RBFOX1: variants seen among roughly 807,000 people sequenced by gnomAD.
RBFOX1 encodes RNA binding protein fox-1 homolog 1.
Under a neutral mutation model 57.7 loss-of-function variants are expected in RBFOX1, and 8 were observed. The ratio of observed to expected loss-of-function variants is 0.14; its 90% CI spans 0.08 to 0.25. The LOEUF is 0.25. Among genes scored for constraint, RBFOX1 ranks in the 10% least tolerant of loss-of-function variants. The probability of loss-of-function intolerance (pLI) is 1.00; values close to 1 mark genes in which losing one functional copy is unlikely to be tolerated. For missense variants in RBFOX1, 611 were observed against 548.5 expected (o/e 1.11, Z -1.14); for synonymous variants, 326 against 222.4 (o/e 1.47, Z -4.15).
chr16:5,815,329 C>G (rs191317277), intron 3 of RBFOX1, among the ~76,000 whole-genome samples: 3 of 151,886 alleles, frequency 2.0e-5, no homozygotes, highest in Non-Finnish European at 4.4e-5. Context: ...ACATGTGGGT[C>G]TCCTTTAAAT....
chr16:6,450,777 A>ACACATATATATATG (rs1349145162), intron 2 of RBFOX1, among the ~76,000 whole-genome samples: 4 of 39,526 alleles, frequency 1.0e-4, no homozygotes, highest in African/African-American at 5.0e-4. Context: ...GTATATATAT[A>ACACATATATATATG]TATATATATA....
Position 5,362,657 on chromosome 16 carries a change from A to C in RBFOX1, c.220-104559A>C, listed in dbSNP as rs113982140. 3.2e-4 allele frequency among the ~76,000 whole-genome samples: 48 copies of C among 152,138 alleles called. No individual in the cohort carries two copies. In the East Asian group the frequency reaches 6.8e-3, roughly 22 times the overall value. On this transcript the variant is annotated intron_variant, in intron 1 of 2. Transcript: ENST00000585867. The stretch of plus-strand genomic sequence containing the variant: ...GATTGCAGGCGTGAGCCACCGCGCC[A>C]GGCCACATCACTGACACTTTATACC...
chr16:7,131,638 C>T (rs779129750), intron 4 of RBFOX1, among the ~76,000 whole-genome samples: 13 of 151,590 alleles, frequency 8.6e-5, no homozygotes, highest in Middle Eastern at 3.2e-3. Flanking sequence ...GAGTTGGGCC[C>T]AGATGAGATA....
chr16:6,661,584 C>T (rs891376974), intron 3 of RBFOX1, among the ~76,000 whole-genome samples: 1 of 152,116 alleles, frequency 6.6e-6, no homozygotes, highest in East Asian at 1.9e-4. Flanking sequence ...GTATGAAGAA[C>T]CCAGCCAAAG....
At chr16:6,190,182 G>A (rs1373645218) in intron 1 of RBFOX1, among the ~76,000 whole-genome samples, 1 of 152,172 alleles carries the variant, frequency 6.6e-6, no homozygotes, top group Non-Finnish European at 1.5e-5. Context: ...TTCAAATTCT[G>A]TAGATGTTCA....
intron 2 of RBFOX1, among the ~76,000 whole-genome samples, chr16:6,592,057 G>A (rs922013544): frequency 1.3e-5 from 2 of 152,156 alleles, no homozygotes; most frequent in Admixed American, 1.3e-4. Context: ...ACTTCCATGT[G>A]TGTGAAATTG....
chr16:5,799,373 G>T (rs1449004793), intron 3 of RBFOX1, among the ~76,000 whole-genome samples: 1 of 152,152 alleles, frequency 6.6e-6, no homozygotes, highest in African/African-American at 2.4e-5. Context: ...GTTTGTAAAA[G>T]CAACCTCATT....
At chr16:7,394,839 T>A (rs2098115218) in intron 4 of RBFOX1, among the ~76,000 whole-genome samples, 1 of 152,194 alleles carries the variant, frequency 6.6e-6, no homozygotes, top group African/African-American at 2.4e-5. Flanking sequence ...TGCCTTATTG[T>A]TTTTCAATCC....
intron 5 of RBFOX1, among the ~76,000 whole-genome samples, chr16:7,558,500 T>TATATGTATATACATATACAACATATATTA (rs2089421336): frequency 6.6e-6 from 1 of 152,128 alleles, no homozygotes; most frequent in Non-Finnish European, 1.5e-5. Context: ...CATATTTTCG[T>TATATGTATATACATATACAACATATATTA]ATATGTATAT....
intron 1 of RBFOX1, among the ~76,000 whole-genome samples, chr16:6,258,614 T>G (rs1479463094): frequency 1.3e-5 from 2 of 152,216 alleles, no homozygotes; most frequent in African/African-American, 4.8e-5. Context: ...CCAAACTCTG[T>G]TTTCCTAATT....
chr16:5,483,555 C>G (rs139704039), intron 2 of RBFOX1, among the ~76,000 whole-genome samples: 1 of 152,276 alleles, frequency 6.6e-6, no homozygotes, highest in East Asian at 1.9e-4. Context: ...TCCCAGCCAC[C>G]GTAGCTGTCA....
intron 4 of RBFOX1, among the ~76,000 whole-genome samples, chr16:7,114,187 G>T (rs1165216248): frequency 6.6e-6 from 1 of 152,168 alleles, no homozygotes; most frequent in Non-Finnish European, 1.5e-5. Context: ...AGGCAGATCA[G>T]TCTTTACGTG....
chr16:6,802,299 C>T (rs1394076833), intron 3 of RBFOX1, among the ~76,000 whole-genome samples: 1 of 152,118 alleles, frequency 6.6e-6, no homozygotes, highest in Admixed American at 6.5e-5. Flanking sequence ...CCTGATTTGC[C>T]ACACAGGGTC....
At chr16:6,711,203 G>A (rs2063651639) in intron 3 of RBFOX1, among the ~76,000 whole-genome samples, 1 of 152,100 alleles carries the variant, frequency 6.6e-6, no homozygotes. Flanking sequence ...TCCTGAGCAG[G>A]TTCTGTCTTT....
chr16:5,877,924 C>A (rs1189803077), intron 4 of RBFOX1, among the ~76,000 whole-genome samples: 1 of 152,194 alleles, frequency 6.6e-6, no homozygotes, highest in Non-Finnish European at 1.5e-5. Flanking sequence ...TCTGCCCCAT[C>A]TGTGTTTAAG....
In RBFOX1 at chr16:7,348,966, G is replaced by A. The variant is rs182859156; in HGVS notation, c.28-169181G>A. Among the ~76,000 whole-genome samples, 3 of 152,130 alleles carry A rather than the reference G, an allele frequency of 2.0e-5. No individual in the cohort carries two copies. The East Asian group carries it at 5.8e-4, about 29-fold the overall frequency. ...CAAAGAAAAAAAGAATGAAGAGAGA[G>A]GCAGAGATTGATCGGCTCCAGTCAA... is the stretch of plus-strand genomic sequence containing the variant. On this transcript the variant is annotated intron_variant, in intron 4 of 15. Transcript: ENST00000550418.
At chr16:6,881,678 A>G (rs34500068) in intron 3 of RBFOX1, among the ~76,000 whole-genome samples, 38,431 of 152,086 alleles carry the variant, frequency 0.25, 5,085 homozygotes, top group African/African-American at 0.32. Flanking sequence ...AGATGTTGGC[A>G]GTTAAGACTT....
At chr16:7,073,372 C>G (rs1288075120) in intron 4 of RBFOX1, among the ~76,000 whole-genome samples, 1 of 152,092 alleles carries the variant, frequency 6.6e-6, no homozygotes, top group Non-Finnish European at 1.5e-5. Flanking sequence ...AAGATCTTCC[C>G]AACAAAGCAT....
Position 6,148,202 on chromosome 16 carries a change from C to T in RBFOX1, c.-127+128210C>T, listed in dbSNP as rs527869558. Among the ~76,000 whole-genome samples the T allele has an allele frequency of 9.2e-5, 14 of 152,196 alleles. 1 individual carries two copies. Among genetic ancestry groups the T allele is most frequent in the African/African-American group, 1.2e-4 (5 of 41,442 alleles). On this transcript the variant is annotated intron_variant, in intron 1 of 15. Coordinates refer to ENST00000550418, the MANE Select transcript of RBFOX1 (RefSeq NM_018723.4). The stretch of plus-strand genomic sequence containing the variant: ...ATTAGCCGAGTGTGGTGGCATGTAC[C>T]TGTAATCCCAGCTACTTGGGAGGCT...
Sources: gnomAD v4.1 joint callset for allele counts (sites outside exome capture counted in the v4.1 genomes callset) on GRCh38, gnomAD v4.1.1 for gene constraint, MANE v1.5 for transcripts, NCBI Gene and HGNC (gene_info 2026-07-23, HGNC 2026-07-21) for gene names.